The following SLC8A1 variants were observed in gnomAD, a reference collection of about 807,000 sequenced individuals.
The protein encoded by SLC8A1 is sodium/calcium exchanger 1.
In SLC8A1, 18 loss-of-function variants were observed where a neutral mutation model predicts 68.3. That is an observed-to-expected ratio of 0.26 (90% confidence interval 0.18 to 0.39). The LOEUF (loss-of-function observed/expected upper bound fraction) is 0.39. Among genes scored for constraint, SLC8A1 ranks in the 10% least tolerant of loss-of-function variants. The probability of loss-of-function intolerance (pLI) is 1.00; values close to 1 mark genes in which losing one functional copy is unlikely to be tolerated. For missense variants in SLC8A1, 985 were observed against 1,156.7 expected (o/e 0.85, Z 2.15); for synonymous variants, 475 against 415.5 (o/e 1.14, Z -1.74).
intron 2 of SLC8A1, among the ~76,000 whole-genome samples, chr2:40,272,015 T>C (rs1037223643): frequency 3.3e-5 from 5 of 151,984 alleles, no homozygotes; most frequent in Admixed American, 2.6e-4. Context: ...TACAGGCATG[T>C]ACCACCATGC....
intron 2 of SLC8A1, among the ~76,000 whole-genome samples, chr2:40,181,728 G>A (rs1167599466): frequency 6.6e-6 from 1 of 152,196 alleles, no homozygotes; most frequent in African/African-American, 2.4e-5. Flanking sequence ...AGAAGGCACT[G>A]GTAATGTTCA....
At chr2:40,401,739 G>A (rs1457698776) in intron 2 of SLC8A1, among the ~76,000 whole-genome samples, 1 of 151,764 alleles carries the variant, frequency 6.6e-6, no homozygotes, top group Non-Finnish European at 1.5e-5. Context: ...TATATCCCAA[G>A]TTTATGGGGA....
At chr2:40,507,965 A>G (rs1028500784) in intron 1 of SLC8A1, among the ~76,000 whole-genome samples, 1 of 152,118 alleles carries the variant, frequency 6.6e-6, no homozygotes, top group Admixed American at 6.6e-5. Flanking sequence ...TATTTTATCT[A>G]TATAAGTGAA....
At chr2:40,243,360 CT>C (rs1211448004) in intron 2 of SLC8A1, among the ~76,000 whole-genome samples, 1 of 152,064 alleles carries the variant, frequency 6.6e-6, no homozygotes, top group Non-Finnish European at 1.5e-5. Context: ...ATGGTAGTGT[CT>C]GCGGTCCCAC....
At chr2:40,399,919 C>T (rs1394013575) in intron 2 of SLC8A1, among the ~76,000 whole-genome samples, 1 of 152,178 alleles carries the variant, frequency 6.6e-6, no homozygotes, top group East Asian at 1.9e-4. Flanking sequence ...CGGCGCCACA[C>T]CCTGGGCCTG....
chr2:40,205,521 A>G (rs372035104), intron 2 of SLC8A1, among the ~76,000 whole-genome samples: 12 of 152,132 alleles, frequency 7.9e-5, no homozygotes, highest in East Asian at 3.9e-4. Context: ...GCTGGAGGCC[A>G]TTATCCATAG....
intron 2 of SLC8A1, among the ~76,000 whole-genome samples, chr2:40,274,141 G>C (rs1247223329): frequency 6.7e-6 from 1 of 150,162 alleles, no homozygotes; most frequent in South Asian, 2.2e-4. Context: ...AGAAGATGTG[G>C]AACAGCCCTT....
intron 2 of SLC8A1, among the ~76,000 whole-genome samples, chr2:40,280,091 C>G (rs1056777762): frequency 6.6e-6 from 1 of 151,874 alleles, no homozygotes; most frequent in African/African-American, 2.4e-5. Flanking sequence ...GAACTTTAAA[C>G]CCTAGCCTTT....
chr2:40,330,596 C>T (rs1025516626), intron 2 of SLC8A1, among the ~76,000 whole-genome samples: 1 of 152,086 alleles, frequency 6.6e-6, no homozygotes, highest in Non-Finnish European at 1.5e-5. Flanking sequence ...CACACACACA[C>T]CCATCAATAA....
intron 2 of SLC8A1, among the ~76,000 whole-genome samples, chr2:40,356,604 G>GAA (rs35434132): frequency 2.9e-3 from 431 of 146,890 alleles, no homozygotes; most frequent in African/African-American, 8.9e-3. Context: ...AAGATACCAA[G>GAA]AAAAAAAAAA....
chr2:40,377,319 G>A (rs1379499268), intron 2 of SLC8A1, among the ~76,000 whole-genome samples: 1 of 152,038 alleles, frequency 6.6e-6, no homozygotes, highest in Non-Finnish European at 1.5e-5. Flanking sequence ...AGGACCCCAA[G>A]CATCACATAA....
rs1558721300 is a variant in SLC8A1 at position 40,200,199 on chromosome 2, T to TATATATATATAA, written c.1809-22345_1809-22344insTTATATATATAT. Among the ~76,000 whole-genome samples, 16 of 6,604 alleles carry TATATATATATAA rather than the reference T, an allele frequency of 2.4e-3. 1 individual carries two copies. Among genetic ancestry groups the TATATATATATAA allele is most frequent in the African/African-American group, 8.1e-3 (16 of 1,978 alleles). The allele number at this position is 6,604 out of a possible 152,430, so 4.3% of individuals were successfully genotyped here. ...ATATATATATATATATATTTATATATATATATAAATATATATATATTTTTT... is the reference window on the plus strand; with the variant it reads ...ATATATATATATATATATTTATATATATATATATATAAATATATAAATATATATATATTTTTT... On this transcript the variant is annotated intron_variant, in intron 2 of 7. Coordinates refer to ENST00000406785, the Ensembl canonical transcript of SLC8A1.
At chr2:40,155,024 G>GAA (rs2044205584) in intron 6 of SLC8A1, among the ~76,000 whole-genome samples, 1 of 152,076 alleles carries the variant, frequency 6.6e-6, no homozygotes. Flanking sequence ...TATCACATAA[G>GAA]AAAAAGGGCA....
intron 2 of SLC8A1, among the ~76,000 whole-genome samples, chr2:40,273,401 T>C (rs1161392038): frequency 1.3e-5 from 2 of 152,120 alleles, no homozygotes; most frequent in Non-Finnish European, 2.9e-5. Flanking sequence ...CCCCAAATAC[T>C]CTTAATAAAC....
At chr2:40,471,778 C>T (rs774397961) in intron 1 of SLC8A1, among the ~76,000 whole-genome samples, 3 of 152,106 alleles carry the variant, frequency 2.0e-5, no homozygotes, top group Admixed American at 6.5e-5. Context: ...ATAGTAAAAA[C>T]GTCAGCTACC....
At chr2:40,266,008 T>G (rs542197873) in intron 2 of SLC8A1, among the ~76,000 whole-genome samples, 2 of 152,314 alleles carry the variant, frequency 1.3e-5, no homozygotes, top group East Asian at 3.9e-4. Context: ...GGAGCCACTC[T>G]TCTATCAAAT....
At chr2:40,437,714 TGGG>T (rs1559686342) in intron 1 of SLC8A1, among the ~76,000 whole-genome samples, 1 of 152,120 alleles carries the variant, frequency 6.6e-6, no homozygotes, top group Non-Finnish European at 1.5e-5. Flanking sequence ...TTTACTGTCT[TGGG>T]GGTCATTTTT....
At chr2:40,501,253 G>T (rs912625688) in intron 1 of SLC8A1, among the ~76,000 whole-genome samples, 1 of 151,274 alleles carries the variant, frequency 6.6e-6, no homozygotes, top group Non-Finnish European at 1.5e-5. Flanking sequence ...CTTTGTATTT[G>T]TTTTCTGTAT....
At chr2:40,239,082 T>C (rs2060849871) in intron 2 of SLC8A1, among the ~76,000 whole-genome samples, 2 of 151,976 alleles carry the variant, frequency 1.3e-5, no homozygotes, top group Non-Finnish European at 2.9e-5. Context: ...TGGAGGCTTC[T>C]AAATTATTTA....
Sources: gnomAD v4.1 joint callset for allele counts (sites outside exome capture counted in the v4.1 genomes callset) on GRCh38, gnomAD v4.1.1 for gene constraint, MANE v1.5 for transcripts, NCBI Gene and HGNC (gene_info 2026-07-23, HGNC 2026-07-21) for gene names.